SMG6: variants seen among roughly 807,000 people sequenced by gnomAD.
SMG6 encodes telomerase-binding protein EST1A.
In SMG6, 66 loss-of-function variants were observed where a neutral mutation model predicts 142.2. The ratio of observed to expected loss-of-function variants is 0.46; its 90% CI spans 0.38 to 0.57. SMG6 has a LOEUF of 0.57. Among genes scored for constraint, SMG6 ranks in the 20% least tolerant of loss-of-function variants. The probability of loss-of-function intolerance (pLI) is 0.00; values close to 1 mark genes in which losing one functional copy is unlikely to be tolerated. For missense variants in SMG6, 1,793 were observed against 1,832.0 expected, an observed-to-expected ratio of 0.98 and a Z score of 0.39; for synonymous variants, 779 against 702.4, an observed-to-expected ratio of 1.11 and a Z score of -1.72.
chr17:2,144,610 G>A (rs2070603073), intron 13 of SMG6, among the ~76,000 whole-genome samples: 1 of 152,070 alleles, frequency 6.6e-6, no homozygotes, highest in African/African-American at 2.4e-5. Context: ...GTATCCACGG[G>A]AATTCTTTGT....
At position 2,061,455 on chromosome 17, in the gene SMG6, A is replaced by G; in HGVS notation, c.*37T>C. 6.7e-7 allele frequency: 1 copy of G among 1,495,134 alleles called. No homozygotes were observed. Among genetic ancestry groups the G allele is most frequent in the East Asian group, 2.6e-5 (1 of 39,102 alleles). The allele number at this position is 1,495,134 out of a possible 1,614,324, so 92.6% of individuals were successfully genotyped here. Reference sequence around the variant, plus strand: ...ACTGGGCGCCTGGTGGCCTTTCAGGAACGGTTCCACGGGGGGGGGGCCCCA... The same window carrying G: ...ACTGGGCGCCTGGTGGCCTTTCAGGGACGGTTCCACGGGGGGGGGGCCCCA... On this transcript the variant is annotated 3_prime_UTR_variant, in exon 19 of 19. Coordinates refer to ENST00000263073, the MANE Select transcript of SMG6 (RefSeq NM_017575.5).
At chr17:2,284,367 A>G (rs2074858094) in intron 6 of SMG6, among the ~76,000 whole-genome samples, 1 of 152,194 alleles carries the variant, frequency 6.6e-6, no homozygotes, top group South Asian at 2.1e-4. Context: ...TTTAAAATAA[A>G]TAAGTAGCTG....
intron 12 of SMG6, among the ~76,000 whole-genome samples, chr17:2,174,274 G>C (rs982782208): frequency 1.3e-5 from 2 of 152,168 alleles, no homozygotes; most frequent in African/African-American, 4.8e-5. Context: ...CTCCCCAGTG[G>C]AGTTACTGCC....
Position 2,068,669 on chromosome 17 carries a change from T to C in SMG6, c.3835+109A>G. ...CCCTACTCCCCTGCAAATCCCATCTTACACACGCACAGCAGGGCTCTGCCT... is the reference window on the plus strand; with the variant it reads ...CCCTACTCCCCTGCAAATCCCATCTCACACACGCACAGCAGGGCTCTGCCT... On this transcript the variant is annotated intron_variant, in intron 16 of 18. Transcript: ENST00000263073. The surrounding 1 kb of genome is among the most constrained non-coding windows in gnomAD (Gnocchi z 6.7). 1 of 1,159,750 alleles carries C rather than the reference T, an allele frequency of 8.6e-7. No homozygotes were observed. Among genetic ancestry groups the C allele is most frequent in the Non-Finnish European group, 1.2e-6 (1 of 826,568 alleles). 71.8% of individuals were successfully genotyped at this position (1,159,750 alleles called of 1,614,324 possible). A position where few individuals can be genotyped will look rare whatever the true frequency, so the allele number is the denominator to read the frequency against.
At position 2,259,929 on chromosome 17, in the gene SMG6, C is replaced by T. The variant is rs1431809126; in HGVS notation, c.2662-15210G>A. On this transcript the variant is annotated intron_variant, in intron 8 of 18. Coordinates refer to ENST00000263073, the MANE Select transcript of SMG6 (RefSeq NM_017575.5). ...CAAACCACTCTGCTGTGGTTATTTG[C>T]CATAAAGCAAATAACCAGCACACAG... 2.0e-5 allele frequency among the ~76,000 whole-genome samples: 3 copies of T among 152,082 alleles called. No individual in the cohort carries two copies. In the East Asian group the frequency reaches 5.8e-4, roughly 29 times the overall value.
At chr17:2,131,455 C>A (rs909711375) in intron 13 of SMG6, among the ~76,000 whole-genome samples, 2 of 152,066 alleles carry the variant, frequency 1.3e-5, no homozygotes, top group African/African-American at 4.8e-5. Context: ...GGCCACCATG[C>A]CCAGCTAACT....
chr17:2,200,946 T>C (rs1429486887), intron 10 of SMG6, among the ~76,000 whole-genome samples: 3 of 152,198 alleles, frequency 2.0e-5, no homozygotes, highest in African/African-American at 7.2e-5. Flanking sequence ...TATTTTTTAA[T>C]TGGCAGCATC....
Position 2,299,599 on chromosome 17 carries a change from C to T in SMG6, c.1154G>A (p.Gly385Glu). Residue 385 changes from glycine (G) to glutamate (E), a missense_variant, in exon 2 of 19, where the codon GGG becomes GAG. By Grantham distance (98) the Gly-to-Glu change is moderately conservative. This residue lies in a region of SMG6 where 1,597 missense variants were observed against 1,584.6 expected (regional missense o/e 1.01). Transcript: ENST00000263073. This position sits in a 1 kb window ranked among gnomAD's most constrained non-coding sequence, Gnocchi z 4.3. ...CTCCTGCTTCTCAGAGCCTTTGCCC[C>T]CACTGCTCAAGCCTTTGTCAGGCTT... The part of the protein sequence containing the change: ...RGKPDKGLSS[G>E]GKGSEKQESK... The T allele has an allele frequency of 6.2e-7, 1 of 1,614,220 alleles. No individual in the cohort carries two copies. The highest frequency in any genetic ancestry group is 8.5e-7 in the Non-Finnish European group (1 of 1,180,042).
At chr17:2,089,271 G>A (rs946815961) in intron 13 of SMG6, among the ~76,000 whole-genome samples, 1 of 152,152 alleles carries the variant, frequency 6.6e-6, no homozygotes. Flanking sequence ...AGAAAGAGCT[G>A]GGCGGGAGAG....
intron 9 of SMG6, among the ~76,000 whole-genome samples, chr17:2,239,461 A>G (rs902383706): frequency 3.3e-5 from 5 of 152,340 alleles, no homozygotes; most frequent in African/African-American, 9.6e-5. Flanking sequence ...TTAAGATGGA[A>G]CATGCACACA....
chr17:2,173,949 G>C (rs1295431512), intron 12 of SMG6, among the ~76,000 whole-genome samples: 2 of 149,414 alleles, frequency 1.3e-5, no homozygotes, highest in African/African-American at 5.0e-5. Flanking sequence ...TCTTCTCCAG[G>C]AAAGCACCTA....
In SMG6 at chr17:2,082,652, T is replaced by C. The variant is rs539634540; in HGVS notation, c.3535-696A>G. On this transcript the variant is annotated intron_variant, in intron 14 of 18. Transcript: ENST00000263073. ...AGGCTGGTGGCACATTCCCCAAGGA[T>C]GGCACCTCCCTACTTGCAGCCTCAG... Among the ~76,000 whole-genome samples, 7 of 152,288 alleles carry C rather than the reference T, an allele frequency of 4.6e-5. No individual in the cohort carries two copies. In the South Asian group the frequency reaches 1.4e-3, roughly 32 times the overall value.
intron 8 of SMG6, among the ~76,000 whole-genome samples, chr17:2,255,391 G>A (rs1241048421): frequency 5.6e-5 from 6 of 107,304 alleles, no homozygotes; most frequent in Admixed American, 2.6e-4. Flanking sequence ...GCGACAGAGC[G>A]AGACTCCGTC....
At chr17:2,122,556 A>T (rs1001032154) in intron 13 of SMG6, 1 of 152,250 alleles carries the variant, frequency 6.6e-6, no homozygotes, top group African/African-American at 2.4e-5. Context: ...TAAAATGTAG[A>T]TGCAGCTTCA....
intron 10 of SMG6, among the ~76,000 whole-genome samples, chr17:2,222,543 C>T (rs1047077481): frequency 3.2e-4 from 2 of 6,200 alleles, no homozygotes; most frequent in South Asian, 1.8e-3. Flanking sequence ...AGAGGCAATG[C>T]GGGGGCGGGG....
At chr17:2,091,596 T>G (rs1203132513) in intron 13 of SMG6, among the ~76,000 whole-genome samples, 1 of 152,046 alleles carries the variant, frequency 6.6e-6, no homozygotes, top group Non-Finnish European at 1.5e-5. Context: ...AGTATTTCAC[T>G]CTTTCCCTAC....
chr17:2,152,640 A>C (rs1480369237), intron 13 of SMG6, among the ~76,000 whole-genome samples: 1 of 152,224 alleles, frequency 6.6e-6, no homozygotes, highest in East Asian at 1.9e-4. Flanking sequence ...AATTAAAATC[A>C]CAAGGTACCT....
At chr17:2,259,512 C>CA (rs568910219) in intron 8 of SMG6, among the ~76,000 whole-genome samples, 1 of 151,842 alleles carries the variant, frequency 6.6e-6, no homozygotes, top group African/African-American at 2.4e-5. Context: ...CTCATCTCTA[C>CA]AAAAAATAAA....
intron 13 of SMG6, among the ~76,000 whole-genome samples, chr17:2,134,350 G>A (rs527300604): frequency 3.1e-5 from 4 of 129,826 alleles, no homozygotes; most frequent in East Asian, 2.3e-4. Flanking sequence ...CCCAAGAGGC[G>A]AAGGTTGCAG....
Sources: gnomAD v4.1 joint callset for allele counts (sites outside exome capture counted in the v4.1 genomes callset) on GRCh38, gnomAD v4.1.1 for gene constraint, gnomAD v4.1.1 regional missense constraint, Gnocchi (gnomAD v3.1) non-coding constraint, MANE v1.5 for transcripts, NCBI Gene and HGNC (gene_info 2026-07-23, HGNC 2026-07-21) for gene names.